Variants in TPGS2 observed in about 807,000 individuals in gnomAD.
TPGS2 encodes the protein polyglutamylase subunit 2.
In TPGS2, 26 loss-of-function variants were observed where a neutral mutation model predicts 31.1. That is an observed-to-expected ratio of 0.84 (90% confidence interval 0.61 to 1.16). The LOEUF (loss-of-function observed/expected upper bound fraction) is 1.16. TPGS2 is among the 50% of genes most tolerant of loss of function. TPGS2 has a pLI of 0.00. For missense variants in TPGS2, 351 were observed against 363.8 expected (o/e 0.96, Z 0.29); for synonymous variants, 130 against 136.6 (o/e 0.95, Z 0.34).
At chr18:36,810,665 T>A (rs1275513521) in intron 2 of TPGS2, among the ~76,000 whole-genome samples, 1 of 152,174 alleles carries the variant, frequency 6.6e-6, no homozygotes. Context: ...ATCTGCAATC[T>A]CTAGCCCAGT....
intron 2 of TPGS2, among the ~76,000 whole-genome samples, chr18:36,815,598 G>T (rs989587475): frequency 2.6e-5 from 4 of 151,144 alleles, no homozygotes; most frequent in Non-Finnish European, 5.9e-5. Flanking sequence ...GTCTAGGTAG[G>T]AAAATCCTAG....
intron 6 of TPGS2, among the ~76,000 whole-genome samples, 158 bp from the exon 7 acceptor site, chr18:36,797,208 G>GTGA (rs2044572165): frequency 6.6e-6 from 1 of 152,134 alleles, no homozygotes; most frequent in Non-Finnish European, 1.5e-5. Flanking sequence ...TTAAGTGGAG[G>GTGA]TGATAACAGA....
intron 6 of TPGS2, among the ~76,000 whole-genome samples, chr18:36,783,939 G>C (rs1289823391): frequency 6.6e-6 from 1 of 152,092 alleles, no homozygotes; most frequent in Non-Finnish European, 1.5e-5. Context: ...CCTTATAAGA[G>C]AAAGGCAGAG....
At chr18:36,823,782 ATGTGAT>A (rs1300227010) in intron 1 of TPGS2, 10 of 976,112 alleles carry the variant, frequency 1.0e-5, no homozygotes, top group African/African-American at 1.8e-5. Flanking sequence ...TAAAGGGCTT[ATGTGAT>A]TAGATTGGGC....
intron 1 of TPGS2, chr18:36,823,901 A>G (rs2046017553): frequency 2.1e-6 from 2 of 975,154 alleles, no homozygotes; most frequent in Non-Finnish European, 2.4e-6. Flanking sequence ...TTCTAATAGT[A>G]CCGTGTTTAG....
chr18:36,802,230 T>C (rs1421236162), intron 4 of TPGS2, among the ~76,000 whole-genome samples: 1 of 152,232 alleles, frequency 6.6e-6, no homozygotes, highest in Non-Finnish European at 1.5e-5. Flanking sequence ...GTTGATATGT[T>C]CCCACCAAGT....
Position 36,819,013 on chromosome 18 carries a change from C to G in TPGS2, c.86-40G>C, listed in dbSNP as rs747155997. 7.9e-6 allele frequency: 12 copies of G among 1,526,724 alleles called. No homozygotes were observed. In the Admixed American group the frequency reaches 2.1e-4, roughly 27 times the overall value. 94.6% of individuals were successfully genotyped at this position (1,526,724 alleles called of 1,614,324 possible). A position where few individuals can be genotyped will look rare whatever the true frequency, so the allele number is the denominator to read the frequency against. On this transcript the variant is annotated intron_variant, in intron 1 of 6. Coordinates refer to ENST00000334295, the MANE Select transcript of TPGS2 (RefSeq NM_015476.4). ...AGAGTCTGTAGAGTTGCAATTGGTC[C>G]GCTGTCATACATTTCTACGCTAGTT...
chr18:36,824,278 G>A lies in TPGS2; in HGVS notation c.85+4405C>T, dbSNP rs577688974. Among the ~76,000 whole-genome samples, 10 of 152,278 alleles carry A rather than the reference G, an allele frequency of 6.6e-5. No homozygotes were observed. The East Asian group carries it at 1.4e-3, about 21-fold the overall frequency. The stretch of plus-strand genomic sequence containing the variant: ...CACGTTCATCAACTGATGGATGTTG[G>A]CTTGTTTGCACTTTTGACAATTATG... On this transcript the variant is annotated intron_variant, in intron 1 of 6. Coordinates refer to ENST00000334295, the MANE Select transcript of TPGS2 (RefSeq NM_015476.4).
Position 36,800,320 on chromosome 18 carries a change from C to A in TPGS2, c.383-9G>T, listed in dbSNP as rs771462616. 6.2e-7 allele frequency: 1 copy of A among 1,612,932 alleles called. No homozygotes were observed. Among genetic ancestry groups the A allele is most frequent in the East Asian group, 2.2e-5 (1 of 44,864 alleles). ...TGGCTGATCATCACTGGCTGCAAAC[C>A]CAGAAGTTAATGGTAATGTTCAAAC... On this transcript the variant is annotated splice_polypyrimidine_tract_variant and intron_variant, in intron 4 of 6. Transcript: ENST00000334295.
intron 1 of TPGS2, among the ~76,000 whole-genome samples, chr18:36,825,807 T>C (rs1434930507): frequency 1.3e-5 from 2 of 152,194 alleles, no homozygotes; most frequent in Non-Finnish European, 2.9e-5. Flanking sequence ...TAGGATTAAA[T>C]TAGCTTCCTG....
chr18:36,817,309 C>T (rs1298675740), intron 2 of TPGS2, among the ~76,000 whole-genome samples: 1 of 152,196 alleles, frequency 6.6e-6, no homozygotes, highest in East Asian at 1.9e-4. Context: ...TGGTGTTGTC[C>T]TCTGTCAGAG....
At chr18:36,808,985 T>C (rs1005429584) in intron 2 of TPGS2, among the ~76,000 whole-genome samples, 2 of 152,290 alleles carry the variant, frequency 1.3e-5, no homozygotes, top group African/African-American at 4.8e-5. Context: ...AGAGGCAACA[T>C]GTTAATAACT....
intron 1 of TPGS2, among the ~76,000 whole-genome samples, chr18:36,820,128 C>T (rs1295946581): frequency 6.6e-6 from 1 of 152,128 alleles, no homozygotes; most frequent in Non-Finnish European, 1.5e-5. Context: ...CAGCAATAGC[C>T]CAATATAGGA....
chr18:36,795,180 T>G lies in TPGS2; in HGVS notation c.*1625A>C. On this transcript the variant is annotated 3_prime_UTR_variant, in exon 7 of 7. Coordinates refer to ENST00000334295, the MANE Select transcript of TPGS2 (RefSeq NM_015476.4). ...CTTTCTCATGAATATCTATCACTAT[T>G]GTCAACAATCAAAATAAACATGTTT... 1.0e-6 allele frequency: 1 copy of G among 985,348 alleles called. No individual in the cohort carries two copies. Among genetic ancestry groups the G allele is most frequent in the Non-Finnish European group, 1.2e-6 (1 of 829,912 alleles). 61.0% of individuals were successfully genotyped at this position (985,348 alleles called of 1,614,324 possible). A position where few individuals can be genotyped will look rare whatever the true frequency, so the allele number is the denominator to read the frequency against.
intron 3 of TPGS2, chr18:36,807,522 A>G: frequency 3.2e-6 from 1 of 312,452 alleles, no homozygotes; most frequent in Non-Finnish European, 5.8e-6. Flanking sequence ...GTTTGCTTGG[A>G]GGTAGAGCCC....
At chr18:36,792,192 A>C (rs750807843), downstream of TPGS2, among the ~76,000 whole-genome samples, 3 of 152,196 alleles carry the variant, frequency 2.0e-5, no homozygotes, top group African/African-American at 7.2e-5. Flanking sequence ...TGGCTATTGG[A>C]CAGAAAAAAG....
At position 36,796,301 on chromosome 18, in the gene TPGS2, G is replaced by A. The variant is rs2044522567; in HGVS notation, c.*504C>T. 4 of 979,890 alleles carry A rather than the reference G, an allele frequency of 4.1e-6. No homozygotes were observed. The highest frequency in any genetic ancestry group is 4.8e-6 in the Non-Finnish European group (4 of 824,880). The allele number at this position is 979,890 out of a possible 1,614,324, so 60.7% of individuals were successfully genotyped here. A position where few individuals can be genotyped will look rare whatever the true frequency, so the allele number is the denominator to read the frequency against. On this transcript the variant is annotated 3_prime_UTR_variant, in exon 7 of 7. Transcript: ENST00000334295. ...CAGAACTTTCTGTGGTGATGGAAAT[G>A]TTCCATATCTTTGTGCTAATACAGA...
chr18:36,794,780 A>C lies in TPGS2; in HGVS notation c.*2025T>G, dbSNP rs992467716. 20 of 984,590 alleles carry C rather than the reference A, an allele frequency of 2.0e-5. No individual in the cohort carries two copies. Among genetic ancestry groups the C allele is most frequent in the Non-Finnish European group, 2.2e-5 (18 of 829,896 alleles). 61.0% of individuals were successfully genotyped at this position (984,590 alleles called of 1,614,324 possible). ...TTGAAGTATAATAACCTAAACAACT[A>C]AAAGGGCCAAAATGTCTCCTAGAGA... On this transcript the variant is annotated 3_prime_UTR_variant, in exon 7 of 7. Transcript: ENST00000334295.
intron 1 of TPGS2, among the ~76,000 whole-genome samples, chr18:36,825,382 A>G (rs1654492962): frequency 6.6e-6 from 1 of 150,770 alleles, no homozygotes; most frequent in Admixed American, 6.6e-5. Flanking sequence ...CAGCGAGTGA[A>G]GAGCACACCA....
Sources: gnomAD v4.1 joint callset for allele counts (sites outside exome capture counted in the v4.1 genomes callset) on GRCh38, gnomAD v4.1.1 for gene constraint, MANE v1.5 for transcripts, NCBI Gene and HGNC (gene_info 2026-07-23, HGNC 2026-07-21) for gene names.